The following CTNNA3 variants were observed in gnomAD, a reference collection of about 807,000 sequenced individuals.
CTNNA3 encodes catenin alpha 3, also known as catenin alpha-3.
Under a neutral mutation model 95.7 loss-of-function variants are expected in CTNNA3, and 76 were observed. The ratio of observed to expected loss-of-function variants is 0.79; its 90% CI spans 0.66 to 0.96. The LOEUF (loss-of-function observed/expected upper bound fraction) is 0.96. Among genes scored for constraint, CTNNA3 ranks in the 40% least tolerant of loss-of-function variants. The pLI is 0.00. For synonymous variants in CTNNA3, 431 were observed against 374.4 expected, an observed-to-expected ratio of 1.15 and a Z score of -1.74; for missense variants, 1,191 against 1,089.8, an observed-to-expected ratio of 1.09 and a Z score of -1.31.
intron 3 of CTNNA3, among the ~76,000 whole-genome samples, chr10:67,542,239 C>T (rs1345052095): frequency 1.3e-5 from 2 of 152,106 alleles, no homozygotes; most frequent in African/African-American, 4.8e-5. Context: ...CTAAGTTAAA[C>T]ATCACTTCCT....
At chr10:67,159,194 G>A (rs1004535472) in intron 7 of CTNNA3, among the ~76,000 whole-genome samples, 1 of 152,204 alleles carries the variant, frequency 6.6e-6, no homozygotes, top group African/African-American at 2.4e-5. Context: ...CCCCTGTCGT[G>A]TACCCCTTGC....
chr10:66,070,250 G>A (rs1169851048), intron 14 of CTNNA3, among the ~76,000 whole-genome samples: 1 of 152,150 alleles, frequency 6.6e-6, no homozygotes, highest in Non-Finnish European at 1.5e-5. Context: ...GGTTGTAAGA[G>A]AGGAGCAACT....
intron 7 of CTNNA3, among the ~76,000 whole-genome samples, chr10:67,058,796 C>T (rs1198694876): frequency 1.3e-5 from 2 of 152,142 alleles, no homozygotes; most frequent in African/African-American, 2.4e-5. Context: ...AGAGCATCTA[C>T]AAACCAGAAA....
intron 7 of CTNNA3, among the ~76,000 whole-genome samples, chr10:66,827,539 CAG>C (rs1481714323): frequency 6.6e-6 from 1 of 152,118 alleles, no homozygotes; most frequent in Non-Finnish European, 1.5e-5. Context: ...AATTGGAAAC[CAG>C]AGTCTGTTTG....
chr10:66,520,675 A>C lies in CTNNA3; in HGVS notation c.1473T>G (p.His491Gln). Residue 491 changes from histidine to glutamine, a missense_variant, in exon 11 of 18, where the codon CAT (histidine) becomes CAG (glutamine). His to Gln is a conservative substitution (Grantham distance 24). Coordinates refer to ENST00000433211, the MANE Select transcript of CTNNA3 (RefSeq NM_013266.4). ...MYKRTWENHIHVLTEAVDDIT... is the reference protein window; with the variant it reads ...MYKRTWENHIQVLTEAVDDIT... ...TGTCATCTACGGCTTCAGTGAGGACATGTATATGATTCTCCCATGTACGCT... is the reference window on the plus strand; with the variant it reads ...TGTCATCTACGGCTTCAGTGAGGACCTGTATATGATTCTCCCATGTACGCT... 6.2e-7 allele frequency: 1 copy of C among 1,611,710 alleles called. No individual in the cohort carries two copies. The highest frequency in any genetic ancestry group is 8.5e-7 in the Non-Finnish European group (1 of 1,178,766).
chr10:66,901,884 T>C (rs569969092), intron 7 of CTNNA3, among the ~76,000 whole-genome samples: 366 of 152,256 alleles, frequency 2.4e-3, no homozygotes, highest in African/African-American at 8.3e-3. Flanking sequence ...AAAGCAAGTC[T>C]GTAGAGACCT....
intron 7 of CTNNA3, among the ~76,000 whole-genome samples, chr10:66,854,669 A>G (rs555406689): frequency 2.6e-5 from 4 of 152,038 alleles, no homozygotes; most frequent in Admixed American, 2.6e-4. Flanking sequence ...TGACAAGGGC[A>G]TTTCACAAAC....
intron 9 of CTNNA3, among the ~76,000 whole-genome samples, chr10:66,726,928 T>G (rs1848800680): frequency 6.6e-6 from 1 of 152,112 alleles, no homozygotes; most frequent in Non-Finnish European, 1.5e-5. Flanking sequence ...ATATAAAACC[T>G]CTTTGAGCTT....
chr10:67,499,266 C>T (rs1417242077), intron 5 of CTNNA3, among the ~76,000 whole-genome samples: 10 of 152,182 alleles, frequency 6.6e-5, no homozygotes. Flanking sequence ...ACCAGCCTTG[C>T]ATCCCAGGTA....
intron 14 of CTNNA3, among the ~76,000 whole-genome samples, chr10:66,075,835 AC>A (rs2080542582): frequency 6.6e-6 from 1 of 151,276 alleles, no homozygotes; most frequent in Admixed American, 6.7e-5. Flanking sequence ...TTCCCTTTCC[AC>A]AATTTTTTTT....
chr10:67,722,143 T>C (rs1388796256), intron 1 of CTNNA3, among the ~76,000 whole-genome samples: 1 of 152,140 alleles, frequency 6.6e-6, no homozygotes, highest in Non-Finnish European at 1.5e-5. Context: ...ACAAAATCAG[T>C]ATTTTATCTC....
intron 7 of CTNNA3, among the ~76,000 whole-genome samples, chr10:67,128,602 A>T (rs1240665757): frequency 6.6e-6 from 1 of 152,124 alleles, no homozygotes; most frequent in Non-Finnish European, 1.5e-5. Context: ...TACCCCTTTG[A>T]CAAGATTTTA....
At chr10:67,358,629 T>A (rs777730039) in intron 5 of CTNNA3, among the ~76,000 whole-genome samples, 21 of 152,044 alleles carry the variant, frequency 1.4e-4, no homozygotes, top group Non-Finnish European at 2.8e-4. Context: ...TGCCCAGGTA[T>A]CTTCTACACT....
At chr10:66,028,950 G>T (rs1444774269) in intron 15 of CTNNA3, among the ~76,000 whole-genome samples, 2 of 151,944 alleles carry the variant, frequency 1.3e-5, no homozygotes, top group African/African-American at 4.8e-5. Flanking sequence ...AAACTAAAAG[G>T]TACTTTCAGT....
chr10:67,542,346 T>C (rs1189140370), intron 3 of CTNNA3, among the ~76,000 whole-genome samples: 1 of 152,110 alleles, frequency 6.6e-6, no homozygotes, highest in Admixed American at 6.6e-5. Context: ...TAACAAATTG[T>C]ATCAAAACCT....
At chr10:67,229,941 C>T (rs1377138732) in intron 5 of CTNNA3, among the ~76,000 whole-genome samples, 2 of 152,160 alleles carry the variant, frequency 1.3e-5, no homozygotes, top group Admixed American at 6.5e-5. Context: ...AAAATACTAC[C>T]ATCATTCTTC....
intron 11 of CTNNA3, among the ~76,000 whole-genome samples, chr10:66,454,158 G>A (rs12415869): frequency 0.39 from 59,312 of 151,984 alleles, 12,281 homozygotes; most frequent in African/African-American, 0.53. Context: ...ATTCCCCCCT[G>A]CAGTCTCTAG....
chr10:67,130,052 C>T (rs1422366657), intron 7 of CTNNA3, among the ~76,000 whole-genome samples: 1 of 152,088 alleles, frequency 6.6e-6, no homozygotes, highest in East Asian at 1.9e-4. Context: ...ACATGAAGGA[C>T]ACTGTCTTTG....
intron 7 of CTNNA3, among the ~76,000 whole-genome samples, chr10:66,974,068 AG>A (rs1372731112): frequency 2.0e-5 from 3 of 152,338 alleles, no homozygotes; most frequent in East Asian, 1.9e-4. Context: ...TCACCAAAAA[AG>A]TTGCCCTGAG....
Sources: gnomAD v4.1 joint callset for allele counts (sites outside exome capture counted in the v4.1 genomes callset) on GRCh38, gnomAD v4.1.1 for gene constraint, MANE v1.5 for transcripts, NCBI Gene and HGNC (gene_info 2026-07-23, HGNC 2026-07-21) for gene names.